LY96: variants seen among roughly 807,000 people sequenced by gnomAD.
LY96 encodes the protein lymphocyte antigen 96, also known as myeloid differentiation protein-2.
Under a neutral mutation model 18.9 loss-of-function variants are expected in LY96, and 18 were observed. That is an observed-to-expected ratio of 0.95 (90% CI 0.66 to 1.41). LY96 has a LOEUF of 1.41. Among genes scored for constraint, LY96 ranks in the 40% most tolerant of loss-of-function variants. The probability of loss-of-function intolerance (pLI) is 0.00; values close to 1 mark genes in which losing one functional copy is unlikely to be tolerated. For missense variants in LY96, 175 were observed against 182.4 expected (o/e 0.96, Z 0.23); for synonymous variants, 66 against 62.6 (o/e 1.06, Z -0.26).
the LY96 span, among the ~76,000 whole-genome samples, chr8:74,095,040 A>G: frequency 6.6e-6 from 1 of 152,204 alleles, no homozygotes; most frequent in African/African-American, 2.4e-5. Flanking sequence ...AGGACAGTGA[A>G]TTTCCCAATA....
At chr8:74,023,694 T>C (rs558731171) in intron 3 of LY96, among the ~76,000 whole-genome samples, 103 of 152,250 alleles carry the variant, frequency 6.8e-4, no homozygotes, top group Non-Finnish European at 1.4e-3. Context: ...TGCCTCTGGC[T>C]TGTGTTAGTT....
In LY96 at chr8:74,005,326, G is replaced by A. The variant is rs573683300; in HGVS notation, c.202+441G>A. ...GGGGGACAGTCAGCTAACTAGGCAAGTCACAATCTTATATAGCATAATCAT... is the reference window on the plus strand; with the variant it reads ...GGGGGACAGTCAGCTAACTAGGCAAATCACAATCTTATATAGCATAATCAT... On this transcript the variant is annotated intron_variant, in intron 2 of 4. Transcript: ENST00000284818. Among the ~76,000 whole-genome samples the A allele has an allele frequency of 4.6e-5, 7 of 152,340 alleles. No individual in the cohort carries two copies. The South Asian group carries it at 1.4e-3, about 32-fold the overall frequency.
chr8:74,067,443 T>G, the LY96 span, among the ~76,000 whole-genome samples: 1 of 152,306 alleles, frequency 6.6e-6, no homozygotes, highest in Non-Finnish European at 1.5e-5. Flanking sequence ...CACACTGGTC[T>G]CGAGGCTTCA....
chr8:74,000,052 T>C (rs1016545460), intron 1 of LY96, among the ~76,000 whole-genome samples: 2 of 152,212 alleles, frequency 1.3e-5, no homozygotes, highest in African/African-American at 4.8e-5. Flanking sequence ...CTGAGTATGA[T>C]GTTGACTGTG....
At chr8:74,008,019 CA>C (rs1479216718) in intron 2 of LY96, among the ~76,000 whole-genome samples, 1 of 152,214 alleles carries the variant, frequency 6.6e-6, no homozygotes, top group Non-Finnish European at 1.5e-5. Context: ...CTTGGCCTCT[CA>C]AAGTGCTAGG....
intron 1 of LY96, among the ~76,000 whole-genome samples, chr8:74,003,779 C>A (rs56343979): frequency 1.3e-5 from 2 of 152,016 alleles, no homozygotes; most frequent in African/African-American, 4.8e-5. Flanking sequence ...CTGGGCCTTG[C>A]CTGCTACTGC....
the LY96 span, among the ~76,000 whole-genome samples, chr8:74,070,805 G>T: frequency 2.0e-5 from 3 of 151,986 alleles, no homozygotes; most frequent in African/African-American, 7.3e-5. Context: ...CAGGACACAA[G>T]GGGTTTTTAT....
chr8:74,010,674 G>A (rs549637749), intron 3 of LY96, among the ~76,000 whole-genome samples: 2 of 151,648 alleles, frequency 1.3e-5, no homozygotes, highest in South Asian at 4.2e-4. Flanking sequence ...ATTTGAGAAT[G>A]TATGTTAAAA....
chr8:74,022,261 G>C (rs951373884), intron 3 of LY96, among the ~76,000 whole-genome samples: 2 of 151,908 alleles, frequency 1.3e-5, no homozygotes, highest in Non-Finnish European at 2.9e-5. Context: ...TACAAAAGTA[G>C]ATGGGTGTGG....
the LY96 span, among the ~76,000 whole-genome samples, chr8:74,066,794 C>A: frequency 6.6e-6 from 1 of 152,148 alleles, no homozygotes; most frequent in East Asian, 1.9e-4. Flanking sequence ...AGGTGTCAGT[C>A]TAAACAGAGG....
the LY96 span, among the ~76,000 whole-genome samples, chr8:74,064,203 G>A: frequency 1.3e-5 from 2 of 152,114 alleles, no homozygotes; most frequent in Non-Finnish European, 1.5e-5. Flanking sequence ...CCATTAACAA[G>A]AGAATGAATG....
At chr8:74,088,369 G>C in the LY96 span, among the ~76,000 whole-genome samples, 6 of 152,130 alleles carry the variant, frequency 3.9e-5, no homozygotes, top group Non-Finnish European at 5.9e-5. Flanking sequence ...GAAAACACAA[G>C]GAGCCATTTG....
At chr8:74,013,052 G>T (rs1194922823) in intron 3 of LY96, among the ~76,000 whole-genome samples, 1 of 152,020 alleles carries the variant, frequency 6.6e-6, no homozygotes, top group Non-Finnish European at 1.5e-5. Flanking sequence ...AAACTCCTGG[G>T]CTGAAGTCAT....
chr8:74,071,383 A>G, the LY96 span, among the ~76,000 whole-genome samples: 1 of 152,114 alleles, frequency 6.6e-6, no homozygotes, highest in African/African-American at 2.4e-5. Context: ...TTATATTGCC[A>G]GCAGAGTTAA....
chr8:74,038,942 C>T, the LY96 span, among the ~76,000 whole-genome samples: 36 of 152,198 alleles, frequency 2.4e-4, no homozygotes, highest in Non-Finnish European at 4.7e-4. Flanking sequence ...AAATTGTTCT[C>T]CATAGTGGTT....
intron 1 of LY96, among the ~76,000 whole-genome samples, chr8:73,995,732 T>A (rs1185771504): frequency 6.6e-6 from 1 of 152,104 alleles, no homozygotes; most frequent in Admixed American, 6.6e-5. Context: ...ATCTTTATTT[T>A]TTTTTTGCTA....
the LY96 span, among the ~76,000 whole-genome samples, chr8:74,036,111 C>T: frequency 1.3e-5 from 2 of 152,120 alleles, no homozygotes; most frequent in Non-Finnish European, 2.9e-5. Context: ...CTTGTTTATT[C>T]CTGGGTGTAA....
chr8:74,092,334 A>C, the LY96 span, among the ~76,000 whole-genome samples: 1 of 152,214 alleles, frequency 6.6e-6, no homozygotes, highest in East Asian at 1.9e-4. Context: ...AAAGGAAAAC[A>C]GGGAAAATGA....
chr8:74,003,239 A>G (rs1411337997), intron 1 of LY96, among the ~76,000 whole-genome samples: 4 of 152,270 alleles, frequency 2.6e-5, no homozygotes, highest in Admixed American at 6.5e-5. Flanking sequence ...AAGCAAGAGG[A>G]TCTTTATTGA....
Sources: gnomAD v4.1 joint callset for allele counts (sites outside exome capture counted in the v4.1 genomes callset) on GRCh38, gnomAD v4.1.1 for gene constraint, MANE v1.5 for transcripts, NCBI Gene and HGNC (gene_info 2026-07-23, HGNC 2026-07-21) for gene names.